Variants in ZNF608 observed in about 807,000 individuals in gnomAD.
ZNF608 encodes renal carcinoma antigen NY-REN-36.
Under a neutral mutation model 109.0 loss-of-function variants are expected in ZNF608, and 12 were observed. The ratio of observed to expected loss-of-function variants is 0.11; its 90% CI spans 0.07 to 0.18. ZNF608 has a LOEUF of 0.18. Among genes scored for constraint, ZNF608 ranks in the 10% least tolerant of loss-of-function variants. The pLI is 1.00. For synonymous variants in ZNF608, 732 were observed against 717.4 expected, an observed-to-expected ratio of 1.02 and a Z score of -0.33; for missense variants, 1,707 against 1,879.3, an observed-to-expected ratio of 0.91 and a Z score of 1.70.
In ZNF608 at chr5:124,745,141, AT is replaced by A; in HGVS notation, c.-153del. On this transcript the variant is annotated 5_prime_UTR_variant, in exon 2 of 10. Coordinates refer to ENST00000513986, the MANE Select transcript of ZNF608 (RefSeq NM_020747.3). ...TCCTGCCCCACGAATGTGTCCAGGG[AT>A]TTTACACCCTCAGTCCAGGTCCACC... 7.0e-7 allele frequency: 1 copy of A among 1,436,110 alleles called. No homozygotes were observed. Among genetic ancestry groups the A allele is most frequent in the Non-Finnish European group, 9.1e-7 (1 of 1,103,284 alleles). 89.0% of individuals were successfully genotyped at this position (1,436,110 alleles called of 1,614,324 possible).
In ZNF608 at chr5:124,746,375, C is replaced by A. The variant is rs548597737; in HGVS notation, c.-364G>T. 105 of 985,380 alleles carry A rather than the reference C, an allele frequency of 1.1e-4. No individual in the cohort carries two copies. The highest frequency in any genetic ancestry group is 3.7e-4 in the Admixed American group (6 of 16,280). 61.0% of individuals were successfully genotyped at this position (985,380 alleles called of 1,614,324 possible). ...TAACATTATTCCACCTCCCCACCCC[C>A]CTTTTGGCAAACGAATCAGTCCTTT... is the stretch of plus-strand genomic sequence containing the variant. On this transcript the variant is annotated 5_prime_UTR_variant, in exon 1 of 10. Coordinates refer to ENST00000513986, the MANE Select transcript of ZNF608 (RefSeq NM_020747.3).
intron 7 of ZNF608, among the ~76,000 whole-genome samples, chr5:124,642,135 T>C (rs779719558): frequency 3.3e-5 from 5 of 152,246 alleles, no homozygotes; most frequent in Non-Finnish European, 7.3e-5. Context: ...ATAGAGTTTC[T>C]GGTAGACTCA....
intron 2 of ZNF608, among the ~76,000 whole-genome samples, chr5:124,735,338 G>C (rs1180311882): frequency 6.7e-6 from 1 of 149,952 alleles, no homozygotes; most frequent in Admixed American, 6.7e-5. Context: ...GCCATAAACG[G>C]GTCCCTGGCG....
At chr5:124,711,478 A>T (rs976670796) in intron 2 of ZNF608, among the ~76,000 whole-genome samples, 1 of 152,346 alleles carries the variant, frequency 6.6e-6, no homozygotes, top group Non-Finnish European at 1.5e-5. Flanking sequence ...CTTGAAGACT[A>T]TTATTTCAAC....
intron 2 of ZNF608, among the ~76,000 whole-genome samples, chr5:124,703,001 T>A (rs1432645330): frequency 6.6e-6 from 1 of 152,186 alleles, no homozygotes; most frequent in African/African-American, 2.4e-5. Flanking sequence ...TGCTACCTAG[T>A]AGTCTTTATT....
At chr5:124,671,858 G>A (rs971403996) in intron 3 of ZNF608, among the ~76,000 whole-genome samples, 5 of 151,824 alleles carry the variant, frequency 3.3e-5, no homozygotes, top group Admixed American at 6.6e-5. Context: ...GGCTGGTATC[G>A]AACTCCTGGG....
chr5:124,671,139 T>G (rs1242216390), intron 3 of ZNF608, among the ~76,000 whole-genome samples: 1 of 152,212 alleles, frequency 6.6e-6, no homozygotes, highest in Admixed American at 6.5e-5. Flanking sequence ...ACACATGCAC[T>G]GTGGGCTTGA....
intron 3 of ZNF608, chr5:124,666,524 G>T (rs756466902): frequency 6.6e-6 from 1 of 152,054 alleles, no homozygotes. Flanking sequence ...CAGGTCTTTA[G>T]GCTACTAGCA....
rs537660985 is a variant in ZNF608 at position 124,682,017 on chromosome 5, G to A, written c.1162+18997C>T. ...GGGTAGACAGAAGACATTTTTACGC[G>A]TTACATTTTTTAAGCATCTGAGCTT... On this transcript the variant is annotated intron_variant, in intron 3 of 9. Transcript: ENST00000513986. Among the ~76,000 whole-genome samples the A allele has an allele frequency of 1.2e-3, 177 of 152,264 alleles. 1 individual carries two copies. The highest frequency in any genetic ancestry group is 3.3e-3 in the African/African-American group (137 of 41,546).
chr5:124,715,783 T>A (rs1399019827), intron 2 of ZNF608, among the ~76,000 whole-genome samples: 2 of 152,208 alleles, frequency 1.3e-5, no homozygotes, highest in Non-Finnish European at 2.9e-5. Flanking sequence ...TATGCATACA[T>A]ATCTTACGTA....
At chr5:124,646,618 C>A in intron 5 of ZNF608, 61 bp downstream of exon 5, 1 of 1,536,902 alleles carries the variant, frequency 6.5e-7, no homozygotes, top group Non-Finnish European at 8.8e-7. Flanking sequence ...CAAGCCCAGA[C>A]ATGTATAATA....
At chr5:124,639,054 T>A in intron 9 of ZNF608, 79 bp downstream of exon 9, 1 of 1,426,710 alleles carries the variant, frequency 7.0e-7, no homozygotes, top group South Asian at 1.2e-5. Context: ...GTTTTTGGTC[T>A]AAAAATCCTG....
At chr5:124,701,312 G>A (rs1161786963) in intron 2 of ZNF608, 43 bp from the exon 3 acceptor site, 4 of 1,602,666 alleles carry the variant, frequency 2.5e-6, no homozygotes, top group Non-Finnish European at 3.4e-6. Flanking sequence ...TGCATTCCGT[G>A]AATTCCTTTT....
At position 124,721,007 on chromosome 5, in the gene ZNF608, A is replaced by T. The variant is rs139958368; in HGVS notation, c.907-19738T>A. 4.4e-3 allele frequency among the ~76,000 whole-genome samples: 671 copies of T among 152,334 alleles called. 3 individuals carry two copies. The highest frequency in any genetic ancestry group is 7.7e-3 in the Non-Finnish European group (524 of 68,030). ...AAGTCATGTGGATAACAAAGAAATCATCAGACAAAAATCTGCCTAATGCAG... is the reference window on the plus strand; with the variant it reads ...AAGTCATGTGGATAACAAAGAAATCTTCAGACAAAAATCTGCCTAATGCAG... On this transcript the variant is annotated intron_variant, in intron 2 of 9. Coordinates refer to ENST00000513986, the MANE Select transcript of ZNF608 (RefSeq NM_020747.3).
chr5:124,736,821 C>T (rs1193501865), intron 2 of ZNF608, among the ~76,000 whole-genome samples: 4 of 152,216 alleles, frequency 2.6e-5, no homozygotes, highest in Non-Finnish European at 5.9e-5. Flanking sequence ...ACTTTGTCGT[C>T]TGTTGCTAAT....
At chr5:124,724,865 C>T (rs552803751) in intron 2 of ZNF608, among the ~76,000 whole-genome samples, 1 of 152,232 alleles carries the variant, frequency 6.6e-6, no homozygotes, top group African/African-American at 2.4e-5. Context: ...GATCAGTTCC[C>T]ACACACTGAG....
chr5:124,647,901 C>T lies in ZNF608; in HGVS notation c.2483G>A (p.Gly828Glu), dbSNP rs761312346. 3 of 1,614,212 alleles carry T rather than the reference C, an allele frequency of 1.9e-6. No individual in the cohort carries two copies. The South Asian group carries it at 3.3e-5, about 18-fold the overall frequency. ...CAGCTTGGCATCCATTTTTGGGCTT[C>T]CCGTCTCTTTCCCTTCTTTGTCCTT... ...KLKDKEGKET[G>E]SPKMDAKLGK... The change falls in exon 5 of 10, where the codon GGA becomes GAA. Residue 828 changes from glycine (G) to glutamate (E), a missense_variant. Gly to Glu is a moderately conservative substitution (Grantham distance 98). Around this residue, in one of 7 missense-constraint regions of ZNF608, gnomAD observed 1,073 missense variants for 1,133.5 expected, o/e 0.95. Transcript: ENST00000513986.
chr5:124,727,733 CTTTTTTTTTTTT>C (rs1182383879), intron 2 of ZNF608, among the ~76,000 whole-genome samples: 10 of 77,872 alleles, frequency 1.3e-4, no homozygotes, highest in Non-Finnish European at 2.0e-4. Context: ...TCCAGGTATC[CTTTTTTTTTTTT>C]TTTTTTTTTT....
chr5:124,708,781 T>C (rs778001085), intron 2 of ZNF608: 1 of 456,198 alleles, frequency 2.2e-6, no homozygotes, highest in South Asian at 1.5e-5. Flanking sequence ...GGACTTGGCC[T>C]GGGGATGGAC....
Sources: allele counts gnomAD v4.1 joint callset (sites outside exome capture counted in the v4.1 genomes callset), GRCh38; gene constraint gnomAD v4.1.1; regional missense constraint gnomAD v4.1.1; transcripts MANE v1.5; gene names NCBI Gene and HGNC (gene_info 2026-07-23, HGNC 2026-07-21).